Variants in FSTL4 observed in about 807,000 individuals in gnomAD.
The protein encoded by FSTL4 is follistatin like 4.
In FSTL4, 28 loss-of-function variants were observed where a neutral mutation model predicts 78.2. That is an observed-to-expected ratio of 0.36 (90% CI 0.27 to 0.49). The LOEUF is 0.49. FSTL4 is among the 20% of genes least tolerant of loss of function. The pLI, the probability that FSTL4 is intolerant of heterozygous loss-of-function variation, is 0.98. For missense variants in FSTL4, 922 were observed against 1,084.9 expected, an observed-to-expected ratio of 0.85 and a Z score of 2.11; for synonymous variants, 422 against 440.5, an observed-to-expected ratio of 0.96 and a Z score of 0.53.
intron 2 of FSTL4, among the ~76,000 whole-genome samples, chr5:133,569,819 T>C (rs1385990376): frequency 6.6e-6 from 1 of 152,206 alleles, no homozygotes; most frequent in Admixed American, 6.5e-5. Context: ...GGATTCTGTT[T>C]ATTATTTTAA....
At chr5:133,293,185 C>T (rs1041843577) in intron 6 of FSTL4, among the ~76,000 whole-genome samples, 8 of 152,226 alleles carry the variant, frequency 5.3e-5, no homozygotes, top group African/African-American at 1.7e-4. Context: ...GGCGAACTCT[C>T]GGAATGGTCT....
chr5:133,616,459 T>C (rs1032165391), upstream of FSTL4, among the ~76,000 whole-genome samples: 8 of 152,072 alleles, frequency 5.3e-5, no homozygotes, highest in Non-Finnish European at 1.2e-4. Flanking sequence ...TGGAGTCCAG[T>C]GGTGGGATCA....
intron 4 of FSTL4, among the ~76,000 whole-genome samples, chr5:133,329,820 C>G (rs1478717253): frequency 6.6e-6 from 1 of 152,168 alleles, no homozygotes; most frequent in Non-Finnish European, 1.5e-5. Flanking sequence ...TCACACCTGG[C>G]ATCTCATCTG....
chr5:133,745,754 TA>T, the FSTL4 span, among the ~76,000 whole-genome samples: 1 of 152,260 alleles, frequency 6.6e-6, no homozygotes, highest in African/African-American at 2.4e-5. Flanking sequence ...TCAGCTTTGT[TA>T]AAACTACGAA....
At chr5:133,603,179 G>C (rs1760907078) in intron 2 of FSTL4, among the ~76,000 whole-genome samples, 2 of 152,144 alleles carry the variant, frequency 1.3e-5, no homozygotes, top group Non-Finnish European at 2.9e-5. Context: ...TTTTGCCCAT[G>C]AACCCCAAAT....
At chr5:133,655,014 T>C in the FSTL4 span, among the ~76,000 whole-genome samples, 1 of 152,192 alleles carries the variant, frequency 6.6e-6, no homozygotes, top group Admixed American at 6.5e-5. Context: ...CAGACCAGAA[T>C]ATCCAACAGG....
At chr5:133,471,560 G>A (rs538425858) in intron 3 of FSTL4, among the ~76,000 whole-genome samples, 17 of 152,240 alleles carry the variant, frequency 1.1e-4, no homozygotes, top group African/African-American at 3.9e-4. Context: ...TGCCATCTAT[G>A]AACCAGAAAG....
chr5:133,488,804 G>C (rs1580741414), intron 3 of FSTL4, among the ~76,000 whole-genome samples: 1 of 152,220 alleles, frequency 6.6e-6, no homozygotes. Flanking sequence ...GCTTCAGAGG[G>C]CCACCCTCAC....
At chr5:133,776,944 G>GTA in the FSTL4 span, among the ~76,000 whole-genome samples, 3 of 152,180 alleles carry the variant, frequency 2.0e-5, no homozygotes, top group South Asian at 6.2e-4. Flanking sequence ...CTACCCCTTT[G>GTA]TGCCTAAATG....
the FSTL4 span, among the ~76,000 whole-genome samples, chr5:133,723,758 G>GAT: frequency 6.6e-6 from 1 of 152,168 alleles, no homozygotes. Flanking sequence ...ATCCCTGGGG[G>GAT]ATAGGTCATC....
chr5:133,785,461 A>G, the FSTL4 span, among the ~76,000 whole-genome samples: 3 of 152,154 alleles, frequency 2.0e-5, no homozygotes, highest in African/African-American at 7.2e-5. Context: ...ACTCAGCTCA[A>G]TGCCTCTGAC....
chr5:133,199,873 C>T lies in FSTL4; in HGVS notation c.1827-76G>A. On this transcript the variant is annotated intron_variant, in intron 15 of 15. Coordinates refer to ENST00000265342, the MANE Select transcript of FSTL4 (RefSeq NM_015082.2). The surrounding 1 kb of genome is among the most constrained non-coding windows in gnomAD (Gnocchi z 4.4). ...TGTCATTTGTCTTAAACAATTACAT[C>T]CTCTGCCTTTTCCCTTTATTATAAT... 3 of 701,890 alleles carry T rather than the reference C, an allele frequency of 4.3e-6. No homozygotes were observed. The highest frequency in any genetic ancestry group is 1.9e-5 in the South Asian group (1 of 53,652). 43.5% of individuals were successfully genotyped at this position (701,890 alleles called of 1,614,324 possible).
At chr5:133,769,433 G>A in the FSTL4 span, among the ~76,000 whole-genome samples, 3,515 of 152,190 alleles carry the variant, frequency 0.023, 104 homozygotes, top group African/African-American at 0.072. Context: ...ACCATATGAC[G>A]CCAATGTCTC....
In FSTL4 at chr5:133,527,531, C is replaced by T. The variant is rs552103370; in HGVS notation, c.160+39655G>A. 2.1e-3 allele frequency among the ~76,000 whole-genome samples: 326 copies of T among 152,088 alleles called. 1 individual carries two copies. The highest frequency in any genetic ancestry group is 7.2e-3 in the African/African-American group (300 of 41,466). On this transcript the variant is annotated intron_variant, in intron 3 of 15. Transcript: ENST00000265342. The stretch of plus-strand genomic sequence containing the variant: ...TAAGTGCATTCACTGCATAACTGAC[C>T]GATGTTATAAGCATTCCAGACATAA...
rs181645760 is a variant in FSTL4, at chr5:133,408,038, G to A, written c.161-7052C>T. Among the ~76,000 whole-genome samples, 10 of 152,284 alleles carry A rather than the reference G, an allele frequency of 6.6e-5. No individual in the cohort carries two copies. In the East Asian group the frequency reaches 1.9e-3, roughly 29 times the overall value. On this transcript the variant is annotated intron_variant, in intron 3 of 15. Coordinates refer to ENST00000265342, the MANE Select transcript of FSTL4 (RefSeq NM_015082.2). ...GGGTAAGAAAACCACAAACTTTCGGGTTCTCTTTTCCACCAAAAAGAACCA... is the reference window on the plus strand; with the variant it reads ...GGGTAAGAAAACCACAAACTTTCGGATTCTCTTTTCCACCAAAAAGAACCA...
chr5:133,349,040 C>T (rs182756009), intron 4 of FSTL4, among the ~76,000 whole-genome samples: 21 of 152,270 alleles, frequency 1.4e-4, no homozygotes, highest in African/African-American at 4.1e-4. Flanking sequence ...GGTTTCTAAT[C>T]GTATTCAGTG....
chr5:133,728,040 G>A, the FSTL4 span, among the ~76,000 whole-genome samples: 1 of 152,232 alleles, frequency 6.6e-6, no homozygotes, highest in African/African-American at 2.4e-5. Flanking sequence ...CAAGATGACA[G>A]TAGCAGCTGC....
At chr5:133,222,327 C>T (rs1026551112) in intron 11 of FSTL4, among the ~76,000 whole-genome samples, 8 of 152,126 alleles carry the variant, frequency 5.3e-5, no homozygotes, top group Admixed American at 3.3e-4. Context: ...GCTCAGCTCC[C>T]GCCAAGAGTC....
chr5:133,648,739 A>T, the FSTL4 span, among the ~76,000 whole-genome samples: 1 of 152,138 alleles, frequency 6.6e-6, no homozygotes, highest in Non-Finnish European at 1.5e-5. Context: ...TTAGGTTCCC[A>T]ACAAAATTGA....
Sources: gnomAD v4.1 joint callset for allele counts (sites outside exome capture counted in the v4.1 genomes callset) on GRCh38, gnomAD v4.1.1 for gene constraint, Gnocchi (gnomAD v3.1) non-coding constraint, MANE v1.5 for transcripts, NCBI Gene and HGNC (gene_info 2026-07-23, HGNC 2026-07-21) for gene names.